MED12L: variants seen among roughly 807,000 people sequenced by gnomAD.
The protein encoded by MED12L is mediator complex subunit 12L, also known as mediator of RNA polymerase II transcription subunit 12-like protein.
Under a neutral mutation model 281.3 loss-of-function variants are expected in MED12L, and 60 were observed. The observed-to-expected ratio is 0.21, with a 90% CI of 0.17 to 0.26. MED12L has a LOEUF of 0.26. Among genes scored for constraint, MED12L ranks in the 10% least tolerant of loss-of-function variants. The pLI, the probability that MED12L is intolerant of heterozygous loss-of-function variation, is 1.00. For missense variants in MED12L, 2,146 were observed against 2,680.9 expected, an observed-to-expected ratio of 0.80 and a Z score of 4.41; for synonymous variants, 974 against 987.2, an observed-to-expected ratio of 0.99 and a Z score of 0.25.
At chr3:151,132,172 A>C (rs1715493207) in intron 5 of MED12L, among the ~76,000 whole-genome samples, 1 of 152,214 alleles carries the variant, frequency 6.6e-6, no homozygotes, top group African/African-American at 2.4e-5. Flanking sequence ...AAATGTATGA[A>C]TTTCAGGAGT....
intron 43 of MED12L, among the ~76,000 whole-genome samples, chr3:151,424,276 G>A (rs116232663): frequency 9.7e-4 from 147 of 152,266 alleles, no homozygotes; most frequent in African/African-American, 3.4e-3. Flanking sequence ...CTGGTAACTG[G>A]ATAGCCAATA....
chr3:151,400,931 T>C (rs1715595935), intron 39 of MED12L, among the ~76,000 whole-genome samples: 1 of 152,238 alleles, frequency 6.6e-6, no homozygotes, highest in African/African-American at 2.4e-5. Context: ...AAATTACAGA[T>C]GTGGATGAGT....
intron 25 of MED12L, among the ~76,000 whole-genome samples, chr3:151,368,729 C>T (rs1344343615): frequency 2.6e-5 from 2 of 75,992 alleles, no homozygotes; most frequent in Admixed American, 1.8e-4. Context: ...CATTTCATTT[C>T]ATTTCATTTC....
At chr3:151,415,619 T>A (rs532620060) in intron 42 of MED12L, among the ~76,000 whole-genome samples, 1 of 152,332 alleles carries the variant, frequency 6.6e-6, no homozygotes, top group African/African-American at 2.4e-5. Flanking sequence ...CTGTCATCAT[T>A]ATCAGGATGA....
chr3:151,309,008 A>T (rs988281573), intron 16 of MED12L, among the ~76,000 whole-genome samples: 6 of 152,088 alleles, frequency 3.9e-5, no homozygotes, highest in Admixed American at 3.9e-4. Flanking sequence ...AATCAGCATC[A>T]AACGTTCACT....
rs186865043 is a variant in MED12L, at chr3:151,135,180, C to A, written c.556+7196C>A. On this transcript the variant is annotated intron_variant, in intron 5 of 44. Coordinates refer to ENST00000687756, the MANE Select transcript of MED12L (RefSeq NM_001393769.1). ...AGCTGGGATTACAGGCACCTGCCATCGTGCTCCTCTAATTTTTGTAGAGAC... is the reference window on the plus strand; with the variant it reads ...AGCTGGGATTACAGGCACCTGCCATAGTGCTCCTCTAATTTTTGTAGAGAC... 1.1e-4 allele frequency among the ~76,000 whole-genome samples: 16 copies of A among 152,216 alleles called. No individual in the cohort carries two copies. In the Middle Eastern group the frequency reaches 0.014, roughly 129 times the overall value.
chr3:151,170,757 G>T (rs1721325097), intron 11 of MED12L, among the ~76,000 whole-genome samples: 1 of 152,146 alleles, frequency 6.6e-6, no homozygotes, highest in Non-Finnish European at 1.5e-5. Context: ...AGAGTAGTGT[G>T]AGATATAAAG....
intron 16 of MED12L, among the ~76,000 whole-genome samples, chr3:151,308,293 A>G (rs929975734): frequency 2.6e-5 from 4 of 152,132 alleles, no homozygotes; most frequent in Non-Finnish European, 4.4e-5. Flanking sequence ...GGAGATCTGT[A>G]TCACATTACT....
At chr3:151,120,254 C>A (rs1199335138) in intron 3 of MED12L, among the ~76,000 whole-genome samples, 3 of 150,914 alleles carry the variant, frequency 2.0e-5, no homozygotes, top group African/African-American at 2.4e-5. Flanking sequence ...AAACCAAAAA[C>A]AAACAAAAAA....
intron 17 of MED12L, among the ~76,000 whole-genome samples, chr3:151,352,582 C>T (rs566691908): frequency 6.6e-6 from 1 of 152,218 alleles, no homozygotes; most frequent in Non-Finnish European, 1.5e-5. Context: ...GGAAAACAGA[C>T]CTTGTGTTAG....
chr3:151,198,999 A>G, intron 16 of MED12L: 1 of 1,614,096 alleles, frequency 6.2e-7, no homozygotes. Context: ...ATTTTGGCAA[A>G]TCCGGGTTCT....
At chr3:151,230,031 G>A (rs145345148) in intron 16 of MED12L, among the ~76,000 whole-genome samples, 1 of 151,974 alleles carries the variant, frequency 6.6e-6, no homozygotes, top group African/African-American at 2.4e-5. Context: ...GTGCAGTGGT[G>A]CGATCTCAGC....
At chr3:151,252,178 C>T (rs1251558876) in intron 16 of MED12L, among the ~76,000 whole-genome samples, 1 of 152,116 alleles carries the variant, frequency 6.6e-6, no homozygotes, top group Admixed American at 6.6e-5. Flanking sequence ...TTAATATCTC[C>T]ATTCATTCAT....
intron 2 of MED12L, among the ~76,000 whole-genome samples, chr3:151,095,674 T>C (rs1309195143): frequency 6.6e-6 from 1 of 152,228 alleles, no homozygotes; most frequent in Non-Finnish European, 1.5e-5. Context: ...CTTTGTTGGC[T>C]ACTTCAACAT....
chr3:151,165,381 A>T (rs1374932060), intron 9 of MED12L, 39 bp from the exon 10 acceptor site: 1 of 1,542,464 alleles, frequency 6.5e-7, no homozygotes, highest in Non-Finnish European at 9.0e-7. Flanking sequence ...GCGCTGTGGC[A>T]TTCCAAGCAC....
At chr3:151,292,206 TG>T (rs1744340755) in intron 16 of MED12L, among the ~76,000 whole-genome samples, 1 of 152,062 alleles carries the variant, frequency 6.6e-6, no homozygotes, top group South Asian at 2.1e-4. Context: ...GATTATTGCC[TG>T]GGAGCTGTGG....
At position 151,198,346 on chromosome 3, in the gene MED12L, T is replaced by G. The variant is rs544055081; in HGVS notation, c.2250+4680T>G. 2.7e-3 allele frequency: 2,877 copies of G among 1,073,048 alleles called. 56 individuals are homozygous for G. The highest frequency in any genetic ancestry group is 3.4e-3 in the Non-Finnish European group (2,650 of 783,386). The allele number at this position is 1,073,048 out of a possible 1,614,324, so 66.5% of individuals were successfully genotyped here. A position where few individuals can be genotyped will look rare whatever the true frequency, so the allele number is the denominator to read the frequency against. Reference sequence around the variant, plus strand: ...TTTCATACTGAGTTTTTTTTTGTTTTTTTTTTTTTTATCTTTCAAAGCTAT... The same window carrying G: ...TTTCATACTGAGTTTTTTTTTGTTTGTTTTTTTTTTATCTTTCAAAGCTAT... On this transcript the variant is annotated intron_variant, in intron 16 of 44. Transcript: ENST00000687756.
chr3:151,300,443 A>T (rs912641719), intron 16 of MED12L, among the ~76,000 whole-genome samples: 1 of 152,122 alleles, frequency 6.6e-6, no homozygotes. Flanking sequence ...CAACATCTTA[A>T]TAAAGGTTAG....
intron 27 of MED12L, among the ~76,000 whole-genome samples, chr3:151,374,319 A>C (rs1011307021): frequency 6.6e-6 from 1 of 152,276 alleles, no homozygotes; most frequent in South Asian, 2.1e-4. Context: ...AGGCTGAGGC[A>C]GGTGGATCAC....
Sources: gnomAD v4.1 joint callset for allele counts (sites outside exome capture counted in the v4.1 genomes callset) on GRCh38, gnomAD v4.1.1 for gene constraint, MANE v1.5 for transcripts, NCBI Gene and HGNC (gene_info 2026-07-23, HGNC 2026-07-21) for gene names.